Variants in KCNIP4 observed in about 807,000 individuals in gnomAD.
KCNIP4 encodes Kv channel-interacting protein 4.
KCNIP4 carries 12 observed loss-of-function variants against 34.0 expected under a neutral mutation model. The ratio of observed to expected loss-of-function variants is 0.35; its 90% CI spans 0.23 to 0.57. The LOEUF (loss-of-function observed/expected upper bound fraction) is 0.57, where lower values mean the gene tolerates loss of function less well. KCNIP4 is among the 20% of genes least tolerant of loss of function. KCNIP4 has a pLI of 0.83. For missense variants in KCNIP4, 238 were observed against 311.7 expected, an observed-to-expected ratio of 0.76 and a Z score of 1.78; for synonymous variants, 124 against 102.2, an observed-to-expected ratio of 1.21 and a Z score of -1.29.
chr4:21,669,934 T>C (rs898997772), intron 1 of KCNIP4, among the ~76,000 whole-genome samples: 1 of 152,136 alleles, frequency 6.6e-6, no homozygotes, highest in African/African-American at 2.4e-5. Flanking sequence ...CTGTTAGCAA[T>C]GATAAAAATT....
chr4:21,743,666 T>C (rs1268580273), intron 1 of KCNIP4, among the ~76,000 whole-genome samples: 1 of 151,674 alleles, frequency 6.6e-6, no homozygotes, highest in Non-Finnish European at 1.5e-5. Flanking sequence ...GGGAGATGCA[T>C]ACTTTCTCTT....
At chr4:21,888,073 A>C (rs910264551) in intron 1 of KCNIP4, among the ~76,000 whole-genome samples, 1 of 152,110 alleles carries the variant, frequency 6.6e-6, no homozygotes, top group Non-Finnish European at 1.5e-5. Context: ...TTTATGACTT[A>C]TGTATTATTA....
At chr4:21,545,234 C>T (rs1738041307) in intron 1 of KCNIP4, among the ~76,000 whole-genome samples, 1 of 151,952 alleles carries the variant, frequency 6.6e-6, no homozygotes, top group South Asian at 2.1e-4. Context: ...GAGGAACACT[C>T]AGTTCTGGGA....
chr4:21,184,274 T>C (rs944281871), intron 1 of KCNIP4, among the ~76,000 whole-genome samples: 1 of 152,160 alleles, frequency 6.6e-6, no homozygotes, highest in African/African-American at 2.4e-5. Context: ...ACCTGAAACA[T>C]AGTAGCACTA....
At chr4:21,835,543 C>T (rs1007112772) in intron 1 of KCNIP4, among the ~76,000 whole-genome samples, 5 of 151,542 alleles carry the variant, frequency 3.3e-5, no homozygotes, top group African/African-American at 1.2e-4. Context: ...AAATGGTGCA[C>T]CAACTTTAGA....
intron 1 of KCNIP4, among the ~76,000 whole-genome samples, chr4:21,064,704 G>C (rs1353055038): frequency 1.3e-5 from 2 of 152,136 alleles, no homozygotes; most frequent in Non-Finnish European, 2.9e-5. Flanking sequence ...ATTACTTATT[G>C]AGTGCTATTC....
chr4:21,196,481 T>C (rs1347874979), intron 1 of KCNIP4, among the ~76,000 whole-genome samples: 1 of 152,210 alleles, frequency 6.6e-6, no homozygotes, highest in East Asian at 1.9e-4. Context: ...CTTTACACCA[T>C]GCAGATGCCT....
At chr4:21,876,711 G>A (rs952831159) in intron 1 of KCNIP4, among the ~76,000 whole-genome samples, 3 of 152,150 alleles carry the variant, frequency 2.0e-5, no homozygotes, top group Non-Finnish European at 4.4e-5. Context: ...TGAAGTGATT[G>A]ACAGGATGAA....
At chr4:21,738,739 G>C (rs561333248) in intron 1 of KCNIP4, among the ~76,000 whole-genome samples, 1 of 152,152 alleles carries the variant, frequency 6.6e-6, no homozygotes, top group African/African-American at 2.4e-5. Context: ...CAAGGTCTAT[G>C]CATTTGTCTG....
At chr4:20,978,126 C>G (rs1166001664) in intron 1 of KCNIP4, among the ~76,000 whole-genome samples, 1 of 152,182 alleles carries the variant, frequency 6.6e-6, no homozygotes, top group Non-Finnish European at 1.5e-5. Context: ...CTCTGCAACT[C>G]ATTGTTGGTT....
intron 1 of KCNIP4, among the ~76,000 whole-genome samples, chr4:21,238,453 G>A (rs1759542907): frequency 6.6e-6 from 1 of 152,190 alleles, no homozygotes; most frequent in East Asian, 1.9e-4. Flanking sequence ...CCTGTTTGCA[G>A]ATGACATGAT....
At chr4:20,741,612 AAGC>A (rs1751125499) in intron 5 of KCNIP4, among the ~76,000 whole-genome samples, 1 of 152,240 alleles carries the variant, frequency 6.6e-6, no homozygotes, top group African/African-American at 2.4e-5. Context: ...CCACAAGAGA[AAGC>A]AGGAAAGATC....
At chr4:21,247,759 T>TATATATATACAC (rs1366204923) in intron 1 of KCNIP4, among the ~76,000 whole-genome samples, 1 of 120,012 alleles carries the variant, frequency 8.3e-6, no homozygotes, top group African/African-American at 3.6e-5. Flanking sequence ...TATATATATA[T>TATATATATACAC]ACACCCCACA....
chr4:21,030,159 C>T (rs1740891623), intron 1 of KCNIP4, among the ~76,000 whole-genome samples: 1 of 152,076 alleles, frequency 6.6e-6, no homozygotes, highest in South Asian at 2.1e-4. Flanking sequence ...TACAGCAGCT[C>T]CCCATGGCTT....
rs186216498 is a variant in KCNIP4, at chr4:21,770,389, C to T, written c.61+178182G>A. Among the ~76,000 whole-genome samples, 6 of 152,144 alleles carry T rather than the reference C, an allele frequency of 3.9e-5. No individual in the cohort carries two copies. The East Asian group carries it at 1.2e-3, about 29-fold the overall frequency. On this transcript the variant is annotated intron_variant, in intron 1 of 8. Coordinates refer to ENST00000382152, the MANE Select transcript of KCNIP4 (RefSeq NM_025221.6). ...TCATTGATGGGTATTTGGGTTGGTT[C>T]CATGTCTTTGCTATTGTAAATACAT...
intron 1 of KCNIP4, among the ~76,000 whole-genome samples, chr4:21,911,185 T>C (rs1364643866): frequency 6.6e-6 from 1 of 152,082 alleles, no homozygotes. Context: ...TCCACTAAGG[T>C]GTTGCTGTTT....
At chr4:21,874,088 G>A (rs1369066815) in intron 1 of KCNIP4, among the ~76,000 whole-genome samples, 1 of 152,206 alleles carries the variant, frequency 6.6e-6, no homozygotes, top group Non-Finnish European at 1.5e-5. Flanking sequence ...CCGCAACAAG[G>A]AGTAGCACTG....
intron 1 of KCNIP4, among the ~76,000 whole-genome samples, chr4:21,509,015 C>T (rs537704365): frequency 3.3e-5 from 5 of 152,256 alleles, no homozygotes; most frequent in East Asian, 1.9e-4. Flanking sequence ...GCCCTCCCCT[C>T]GGAGCTGATT....
At chr4:21,400,624 G>A (rs2109551702) in intron 1 of KCNIP4, among the ~76,000 whole-genome samples, 1 of 148,842 alleles carries the variant, frequency 6.7e-6, no homozygotes, top group African/African-American at 2.5e-5. Context: ...TAGTAATTAT[G>A]ATGTTGTTTA....
Sources: allele counts gnomAD v4.1 joint callset (sites outside exome capture counted in the v4.1 genomes callset), GRCh38; gene constraint gnomAD v4.1.1; transcripts MANE v1.5; gene names NCBI Gene and HGNC (gene_info 2026-07-23, HGNC 2026-07-21).